Variants in GALNT11 observed in about 807,000 individuals in gnomAD.
GALNT11 encodes polypeptide N-acetylgalactosaminyltransferase 11, also known as UDP-GalNAc:polypeptide N-acetylgalactosaminyltransferase 11.
GALNT11 carries 47 observed loss-of-function variants against 72.7 expected under a neutral mutation model. The observed-to-expected ratio is 0.65, with a 90% CI of 0.51 to 0.82. The LOEUF is 0.82. Ranked by LOEUF, GALNT11 falls within the 40% of genes least tolerant of loss-of-function variation. The pLI is 0.00. For synonymous variants in GALNT11, 270 were observed against 286.6 expected (o/e 0.94, Z 0.58); for missense variants, 677 against 778.4 (o/e 0.87, Z 1.55).
At chr7:152,070,927 A>G (rs188971130) in intron 1 of GALNT11, among the ~76,000 whole-genome samples, 3 of 152,200 alleles carry the variant, frequency 2.0e-5, no homozygotes, top group African/African-American at 7.2e-5. Context: ...CGTGATGCCC[A>G]ACAAGCCACA....
chr7:152,074,573 G>A (rs913566248), intron 1 of GALNT11, among the ~76,000 whole-genome samples: 1 of 152,090 alleles, frequency 6.6e-6, no homozygotes. Context: ...GGAGCATGAC[G>A]CTTCCAGCTT....
chr7:152,025,806 C>A lies in GALNT11; in HGVS notation c.-117C>A. Reference sequence around the variant, plus strand: ...TTCAGCCCGCGCCGCTCCTGCGGGTCGGACTGGGGCTGTGGCGGGAGAGAA... The same window carrying A: ...TTCAGCCCGCGCCGCTCCTGCGGGTAGGACTGGGGCTGTGGCGGGAGAGAA... On this transcript the variant is annotated 5_prime_UTR_variant, in exon 1 of 12. Coordinates refer to ENST00000430044, the MANE Select transcript of GALNT11 (RefSeq NM_022087.4). 4.6e-6 allele frequency: 1 copy of A among 219,544 alleles called. No individual in the cohort carries two copies. 13.6% of individuals were successfully genotyped at this position (219,544 alleles called of 1,614,324 possible). A position where few individuals can be genotyped will look rare whatever the true frequency, so the allele number is the denominator to read the frequency against.
At chr7:152,038,181 A>T (rs1468348056) in intron 1 of GALNT11, among the ~76,000 whole-genome samples, 3 of 152,218 alleles carry the variant, frequency 2.0e-5, no homozygotes, top group Non-Finnish European at 4.4e-5. Context: ...TAGAGGAATT[A>T]AAGACACACA....
intron 1 of GALNT11, among the ~76,000 whole-genome samples, chr7:152,073,146 G>T (rs940576412): frequency 3.3e-5 from 5 of 152,034 alleles, no homozygotes; most frequent in Non-Finnish European, 5.9e-5. Flanking sequence ...TCATTTCTTT[G>T]TGTTGGGAAC....
intron 2 of GALNT11, among the ~76,000 whole-genome samples, chr7:152,099,539 T>G (rs1244640233): frequency 2.3e-5 from 3 of 129,348 alleles, no homozygotes; most frequent in South Asian, 2.6e-4. Flanking sequence ...AGTTTTTTTT[T>G]TTTTTTTTTT....
intron 1 of GALNT11, among the ~76,000 whole-genome samples, chr7:152,089,387 T>C (rs1220131523): frequency 6.6e-6 from 1 of 152,242 alleles, no homozygotes; most frequent in Non-Finnish European, 1.5e-5. Context: ...GCAATCTGTA[T>C]TTTCTGCAGA....
At chr7:152,115,547 G>A (rs959520055) in intron 8 of GALNT11, among the ~76,000 whole-genome samples, 71 of 152,248 alleles carry the variant, frequency 4.7e-4, no homozygotes, top group African/African-American at 1.6e-3. Flanking sequence ...AGTTATGGGC[G>A]GAGCTAGCGG....
At chr7:152,111,172 CAG>C (rs1162214301) in intron 7 of GALNT11, among the ~76,000 whole-genome samples, 2 of 150,530 alleles carry the variant, frequency 1.3e-5, no homozygotes, top group African/African-American at 4.9e-5. Context: ...TTTTTTGAGA[CAG>C]GGTCTTGCTC....
In GALNT11 at chr7:152,030,990, A is replaced by G. The variant is rs2082282126; in HGVS notation, c.-39+5106A>G. On this transcript the variant is annotated intron_variant, in intron 1 of 11. Transcript: ENST00000430044. ...CTCCATGGTTTCCTTGTGGTATTTA[A>G]TGGGGGTTCCCCCAGAGGTTAGAAA... Among the ~76,000 whole-genome samples, 3 of 152,186 alleles carry G rather than the reference A, an allele frequency of 2.0e-5. No homozygotes were observed. In the South Asian group the frequency reaches 6.2e-4, roughly 32 times the overall value.
Position 152,075,796 on chromosome 7 carries a change from CAAA to C in GALNT11, c.-38-18381_-38-18379del, listed in dbSNP as rs775384082. On this transcript the variant is annotated intron_variant, in intron 1 of 11. Coordinates refer to ENST00000430044, the MANE Select transcript of GALNT11 (RefSeq NM_022087.4). ...GGGCAACAAGAGCAAAACTCTGTCT[CAAA>C]AAAAAAAAAAAAGACACTTTGGGAG... is the stretch of plus-strand genomic sequence containing the variant. 1.0e-3 allele frequency among the ~76,000 whole-genome samples: 109 copies of C among 109,352 alleles called. 1 individual carries two copies. The highest frequency in any genetic ancestry group is 1.8e-3 in the Non-Finnish European group (92 of 49,852). 71.7% of individuals were successfully genotyped at this position (109,352 alleles called of 152,430 possible).
chr7:152,043,740 A>G (rs1227102813), intron 1 of GALNT11, among the ~76,000 whole-genome samples: 1 of 152,130 alleles, frequency 6.6e-6, no homozygotes, highest in East Asian at 1.9e-4. Context: ...CAAAATAATG[A>G]GGGGGTACAG....
At chr7:152,105,475 C>T (rs548063737) in intron 5 of GALNT11, 105 bp downstream of exon 5, 28 of 1,462,088 alleles carry the variant, frequency 1.9e-5, no homozygotes, top group Middle Eastern at 1.8e-4. Context: ...GTGTTTCAAA[C>T]GGACATTGCC....
intron 1 of GALNT11, among the ~76,000 whole-genome samples, chr7:152,089,589 G>A (rs1182900121): frequency 6.6e-6 from 1 of 152,180 alleles, no homozygotes; most frequent in Non-Finnish European, 1.5e-5. Context: ...AAAAGTAATG[G>A]AAAGACAAAG....
Position 152,105,322 on chromosome 7 carries a change from CG to C in GALNT11, c.665del (p.Arg222LeufsTer4). On this transcript the variant is annotated frameshift_variant, in exon 5 of 12. Coordinates refer to ENST00000430044, the MANE Select transcript of GALNT11 (RefSeq NM_022087.4). LOFTEE classifies it high-confidence loss of function. The part of the protein sequence containing the change: ...GKIKVIRNTK[R>X]EGLIRGRMIG... The stretch of plus-strand genomic sequence containing the variant: ...AATTAAAGTCATAAGAAATACAAAG[CG>C]TGAGGGGTTGATTCGAGGGAGAATG... 6.2e-7 allele frequency: 1 copy of C among 1,613,908 alleles called. No homozygotes were observed. The highest frequency in any genetic ancestry group is 8.5e-7 in the Non-Finnish European group (1 of 1,179,936).
chr7:152,036,667 G>T (rs1284315114), intron 1 of GALNT11, among the ~76,000 whole-genome samples: 1 of 152,122 alleles, frequency 6.6e-6, no homozygotes, highest in African/African-American at 2.4e-5. Flanking sequence ...CCTCCAAACT[G>T]GTCTCCATAG....
At chr7:152,057,001 G>A (rs943869949) in intron 1 of GALNT11, among the ~76,000 whole-genome samples, 1 of 125,978 alleles carries the variant, frequency 7.9e-6, no homozygotes, top group Non-Finnish European at 1.6e-5. Flanking sequence ...AGCATGCCCA[G>A]CTATTTTTTT....
Position 152,094,509 on chromosome 7 carries a change from C to T in GALNT11, c.282C>T (p.Phe94=), listed in dbSNP as rs141502485. ...ATCCAGAAGAAGGCCACTTGAAATT[C>T]TCTTCTGAATTAGGTAAGTATATGA... ...VEDPEEGHLK[F]SSELGMIFNE... Residue 94 remains phenylalanine (F), a synonymous_variant, in exon 2 of 12, where the codon TTC becomes TTT. Coordinates refer to ENST00000430044, the MANE Select transcript of GALNT11 (RefSeq NM_022087.4). The surrounding 1 kb of genome is among the most constrained non-coding windows in gnomAD (Gnocchi z 4.3). The T allele has an allele frequency of 6.2e-7, 1 of 1,609,802 alleles. No homozygotes were observed. The highest frequency in any genetic ancestry group is 8.5e-7 in the Non-Finnish European group (1 of 1,177,480).
chr7:152,109,112 T>C (rs1261558027), intron 6 of GALNT11, among the ~76,000 whole-genome samples: 1 of 152,250 alleles, frequency 6.6e-6, no homozygotes, highest in Non-Finnish European at 1.5e-5. Context: ...TGCCCAAGTA[T>C]CTCCGCTTTA....
chr7:152,042,958 A>G (rs2082938095), intron 1 of GALNT11, among the ~76,000 whole-genome samples: 1 of 152,208 alleles, frequency 6.6e-6, no homozygotes, highest in Non-Finnish European at 1.5e-5. Flanking sequence ...TCCTGTATCT[A>G]CCAAACCTTT....
Sources: gnomAD v4.1 joint callset for allele counts (sites outside exome capture counted in the v4.1 genomes callset) on GRCh38, gnomAD v4.1.1 for gene constraint, Gnocchi (gnomAD v3.1) non-coding constraint, MANE v1.5 for transcripts, NCBI Gene and HGNC (gene_info 2026-07-23, HGNC 2026-07-21) for gene names.